Variants in SNTA1 observed in about 807,000 individuals in gnomAD.
SNTA1 encodes the protein syntrophin alpha 1.
Under a neutral mutation model 47.1 loss-of-function variants are expected in SNTA1, and 31 were observed. The observed-to-expected ratio is 0.66, with a 90% CI of 0.49 to 0.89. The LOEUF (loss-of-function observed/expected upper bound fraction) is 0.89, where lower values mean the gene tolerates loss of function less well. Among genes scored for constraint, SNTA1 ranks in the 40% least tolerant of loss-of-function variants. SNTA1 has a pLI of 0.00. For missense variants in SNTA1, 575 were observed against 693.0 expected (o/e 0.83, Z 1.91); for synonymous variants, 300 against 313.6 (o/e 0.96, Z 0.46).
intron 1 of SNTA1, among the ~76,000 whole-genome samples, chr20:33,440,482 T>C (rs866975086): frequency 1.1e-4 from 16 of 149,210 alleles, no homozygotes; most frequent in Non-Finnish European, 8.9e-5. Context: ...AATAAATAAA[T>C]ACAAACACAA....
intron 3 of SNTA1, among the ~76,000 whole-genome samples, chr20:33,414,121 C>T (rs1989813152): frequency 6.6e-6 from 1 of 151,746 alleles, no homozygotes; most frequent in South Asian, 2.1e-4. Flanking sequence ...GCCTGTAATC[C>T]CAGCTACTAG....
rs776880585 is a variant in SNTA1 at position 33,408,926 on chromosome 20, C to A, written c.1238-38G>T. On this transcript the variant is annotated intron_variant, in intron 6 of 7. Transcript: ENST00000217381. ...CACATAGGTACAGGCACAGCTGGCA[C>A]CTCAGAGACTACACCCCAACCTCCA... 3.8e-6 allele frequency: 6 copies of A among 1,584,530 alleles called. No homozygotes were observed. In the South Asian group the frequency reaches 5.5e-5, roughly 15 times the overall value.
intron 2 of SNTA1, among the ~76,000 whole-genome samples, chr20:33,424,656 G>A (rs571155702): frequency 2.0e-5 from 3 of 152,054 alleles, no homozygotes; most frequent in Non-Finnish European, 2.9e-5. Context: ...TGGGATCAGA[G>A]GCTCATGTTA....
rs745400766 is a variant in SNTA1 at position 33,408,725 on chromosome 20, A to T, written c.1401T>A (p.Asp467Glu). 6.2e-7 allele frequency: 1 copy of T among 1,613,986 alleles called. No homozygotes were observed. The highest frequency in any genetic ancestry group is 8.5e-7 in the Non-Finnish European group (1 of 1,179,986). ...CGATCTCGCCTTCAGCACCTCCAAA[A>T]TCCAGGAAAAGGAGACTGGCACCGT... ...SDDGASLLFL[D>E]FGGAEGEIQL... The change falls in exon 7 of 8, where the codon GAT (aspartate) becomes GAA (glutamate). Residue 467 changes from aspartate to glutamate, a missense_variant. Asp to Glu is a conservative substitution (Grantham distance 45, BLOSUM62 2). Coordinates refer to ENST00000217381, the MANE Select transcript of SNTA1 (RefSeq NM_003098.3).
chr20:33,428,319 G>A (rs1990213726), intron 2 of SNTA1, among the ~76,000 whole-genome samples: 1 of 152,008 alleles, frequency 6.6e-6, no homozygotes, highest in African/African-American at 2.4e-5. Flanking sequence ...TGAGATGGGA[G>A]GATCGCTTGA....
chr20:33,416,182 G>A (rs951089039), intron 3 of SNTA1, among the ~76,000 whole-genome samples: 1 of 152,202 alleles, frequency 6.6e-6, no homozygotes, highest in Non-Finnish European at 1.5e-5. Flanking sequence ...CCTCATGGGG[G>A]CAGGCAAGAG....
At chr20:33,414,245 CAAAAAAAAA>C (rs56186098) in intron 3 of SNTA1, among the ~76,000 whole-genome samples, 6 of 29,270 alleles carry the variant, frequency 2.0e-4, no homozygotes, top group African/African-American at 4.8e-4. Flanking sequence ...TCTCAAAAAC[CAAAAAAAAA>C]AAAAAAAAAA....
rs1990326031 is a variant in SNTA1, at chr20:33,432,173, G to C, written c.496+6668C>G. Among the ~76,000 whole-genome samples, 3 of 152,176 alleles carry C rather than the reference G, an allele frequency of 2.0e-5. 1 individual carries two copies. The highest frequency in any genetic ancestry group is 4.4e-5 in the Non-Finnish European group (3 of 68,030). On this transcript the variant is annotated intron_variant, in intron 2 of 7. Transcript: ENST00000217381. ...CATCTCTGGGGCACAGCATGACTCA[G>C]CTAAGTTGAAACAGGGTGGCCCCAA...
At chr20:33,431,345 T>C (rs1330743392) in intron 2 of SNTA1, among the ~76,000 whole-genome samples, 1 of 152,186 alleles carries the variant, frequency 6.6e-6, no homozygotes, top group African/African-American at 2.4e-5. Flanking sequence ...ATCTCTGCCA[T>C]ACTGTGACCT....
chr20:33,410,069 G>T, intron 6 of SNTA1, 66 bp downstream of exon 6: 2 of 1,552,486 alleles, frequency 1.3e-6, no homozygotes, highest in Non-Finnish European at 1.8e-6. Context: ...AAAGAAGGAA[G>T]CTTGAATGCC....
chr20:33,427,805 C>T (rs991180425), intron 2 of SNTA1, among the ~76,000 whole-genome samples: 9 of 152,176 alleles, frequency 5.9e-5, no homozygotes, highest in African/African-American at 1.7e-4. Context: ...CTGGCAGACA[C>T]TCACTACTCA....
chr20:33,425,081 A>G (rs1228700299), intron 2 of SNTA1, among the ~76,000 whole-genome samples: 1 of 151,060 alleles, frequency 6.6e-6, no homozygotes, highest in Non-Finnish European at 1.5e-5. Context: ...ACGCCACTGC[A>G]CTCCACCCTA....
intron 1 of SNTA1, 86 bp downstream of exon 1, chr20:33,443,224 TC>T: frequency 9.2e-7 from 1 of 1,090,900 alleles, no homozygotes; most frequent in Non-Finnish European, 1.3e-6. Context: ...AGCCTCCAGC[TC>T]CATGTCCTGG....
rs775326664 is a variant in SNTA1, at chr20:33,426,098, T to TA, written c.497-8176dup. Among the ~76,000 whole-genome samples, 12 of 147,816 alleles carry TA rather than the reference T, an allele frequency of 8.1e-5. No homozygotes were observed. The East Asian group carries it at 1.4e-3, about 17-fold the overall frequency. On this transcript the variant is annotated intron_variant, in intron 2 of 7. Coordinates refer to ENST00000217381, the MANE Select transcript of SNTA1 (RefSeq NM_003098.3). ...CTCAATCAATCAATCAATAAAACATTAAAAAAAAATAAAAGTAAAAATAGA... is the reference window on the plus strand; with the variant it reads ...CTCAATCAATCAATCAATAAAACATTAAAAAAAAAATAAAAGTAAAAATAGA...
chr20:33,435,050 C>T (rs1225531111), intron 2 of SNTA1, among the ~76,000 whole-genome samples: 8 of 134,480 alleles, frequency 5.9e-5, no homozygotes, highest in African/African-American at 1.1e-4. Context: ...TGGAGTGCAG[C>T]GGCACAATCA....
Position 33,410,301 on chromosome 20 carries a change from T to A in SNTA1, c.1071A>T (p.Ser357=). 6.2e-7 allele frequency: 1 copy of A among 1,609,782 alleles called. No individual in the cohort carries two copies. The highest frequency in any genetic ancestry group is 8.5e-7 in the Non-Finnish European group (1 of 1,178,770). ...RLVHSGPSKG[S]VPYDAELSFA... Reference sequence around the variant, plus strand: ...AAGAGAGCTCTGCATCGTAGGGCACTGAGCCCTTGGAGGGGCCTGAGTGCA... The same window carrying A: ...AAGAGAGCTCTGCATCGTAGGGCACAGAGCCCTTGGAGGGGCCTGAGTGCA... Residue 357 remains serine, a synonymous_variant, in exon 6 of 8, where the codon TCA becomes TCT. Transcript: ENST00000217381.
rs570342164 is a variant in SNTA1, at chr20:33,430,582, T to C, written c.496+8259A>G. Among the ~76,000 whole-genome samples the C allele has an allele frequency of 3.3e-5, 5 of 151,846 alleles. 1 individual carries two copies. The highest frequency in any genetic ancestry group is 3.3e-4 in the Admixed American group (5 of 15,216). On this transcript the variant is annotated intron_variant, in intron 2 of 7. Coordinates refer to ENST00000217381, the MANE Select transcript of SNTA1 (RefSeq NM_003098.3). ...GGAGCCACCGCACCCAGCCATAGTA[T>C]CTTTATTTAATGGGTGAGTAAACTG...
chr20:33,431,903 C>T (rs1009587211), intron 2 of SNTA1, among the ~76,000 whole-genome samples: 2 of 152,166 alleles, frequency 1.3e-5, no homozygotes, highest in African/African-American at 2.4e-5. Context: ...TCACACAGCT[C>T]GTCAGGGCCA....
chr20:33,435,389 G>A (rs529155008), intron 2 of SNTA1, among the ~76,000 whole-genome samples: 1 of 150,454 alleles, frequency 6.6e-6, no homozygotes, highest in African/African-American at 2.4e-5. Context: ...CTGAGGCCGG[G>A]AGTTCGAGAC....
Sources: allele counts gnomAD v4.1 joint callset (sites outside exome capture counted in the v4.1 genomes callset), GRCh38; gene constraint gnomAD v4.1.1; transcripts MANE v1.5; gene names NCBI Gene and HGNC (gene_info 2026-07-23, HGNC 2026-07-21).